SLCO1B3: variants seen among roughly 807,000 people sequenced by gnomAD.
SLCO1B3 encodes the protein solute carrier organic anion transporter family member 1B3.
In SLCO1B3, 72 loss-of-function variants were observed where a neutral mutation model predicts 71.8. The observed-to-expected ratio is 1.00, with a 90% confidence interval of 0.83 to 1.22. SLCO1B3 has a LOEUF of 1.22. Ranked by LOEUF, SLCO1B3 falls within the 50% of genes most tolerant of loss-of-function variation. The pLI is 0.00. For missense variants in SLCO1B3, 911 were observed against 819.7 expected (o/e 1.11, Z -1.36); for synonymous variants, 298 against 278.4 (o/e 1.07, Z -0.70).
Position 20,860,597 on chromosome 12 carries a change from CTTTGTGTGTGTGTGTG to C in SLCO1B3, c.360-418_360-403del, listed in dbSNP as rs1413935171. Among the ~76,000 whole-genome samples, 339 of 80,210 alleles carry C rather than the reference CTTTGTGTGTGTGTGTG, an allele frequency of 4.2e-3. No homozygotes were observed. The Middle Eastern group carries it at 0.058, about 14-fold the overall frequency. 52.6% of individuals were successfully genotyped at this position (80,210 alleles called of 152,430 possible). A position where few individuals can be genotyped will look rare whatever the true frequency, so the allele number is the denominator to read the frequency against. On this transcript the variant is annotated intron_variant, in intron 5 of 15. Coordinates refer to ENST00000381545, the MANE Select transcript of SLCO1B3 (RefSeq NM_019844.4). ...TTATTGAGTTTTGAAAAGTCAAGCA[CTTTGTGTGTGTGTGTG>C]TGTGTGTGTGTGTGTGTGTGTGTAC...
At chr12:20,896,164 A>T (rs1043480567) in intron 13 of SLCO1B3, among the ~76,000 whole-genome samples, 1 of 152,086 alleles carries the variant, frequency 6.6e-6, no homozygotes, top group Admixed American at 6.6e-5. Context: ...GACTTCTCAC[A>T]TGTCCTAAAG....
chr12:20,818,469 C>T (rs1864232020), intron 3 of SLCO1B3, among the ~76,000 whole-genome samples: 1 of 149,192 alleles, frequency 6.7e-6, no homozygotes, highest in Non-Finnish European at 1.5e-5. Context: ...AAAGTGTCTA[C>T]TTAGACAAAG....
chr12:20,835,717 C>T (rs1404901027), intron 3 of SLCO1B3, among the ~76,000 whole-genome samples: 2 of 152,164 alleles, frequency 1.3e-5, no homozygotes, highest in African/African-American at 2.4e-5. Context: ...TTTCCCACAT[C>T]TTCCTGTCTT....
intron 5 of SLCO1B3, among the ~76,000 whole-genome samples, chr12:20,860,563 A>G (rs951462333): frequency 2.0e-5 from 3 of 149,680 alleles, no homozygotes; most frequent in African/African-American, 7.4e-5. Context: ...ATGAATTAGA[A>G]ATTTGTTTTT....
Position 20,916,355 on chromosome 12 carries a change from A to G in SLCO1B3, c.*108A>G, listed in dbSNP as rs1866499246. The G allele has an allele frequency of 2.0e-6, 2 of 1,015,060 alleles. No individual in the cohort carries two copies. Among genetic ancestry groups the G allele is most frequent in the African/African-American group, 1.6e-5 (1 of 61,638 alleles). The allele number at this position is 1,015,060 out of a possible 1,614,324, so 62.9% of individuals were successfully genotyped here. On this transcript the variant is annotated 3_prime_UTR_variant, in exon 16 of 16. Transcript: ENST00000381545. ...GACCAATGGATAAGTCTATGCATCT[A>G]TAATAAACTATAAAAAATGGGAGTA...
At chr12:20,851,867 T>C (rs1865030002) in intron 3 of SLCO1B3, among the ~76,000 whole-genome samples, 1 of 151,602 alleles carries the variant, frequency 6.6e-6, no homozygotes, top group African/African-American at 2.4e-5. Context: ...TTCATTCCTT[T>C]GTATGTGGAT....
At chr12:20,891,721 C>A (rs1865906955) in intron 13 of SLCO1B3, among the ~76,000 whole-genome samples, 1 of 151,968 alleles carries the variant, frequency 6.6e-6, no homozygotes, top group Non-Finnish European at 1.5e-5. Flanking sequence ...TTAGGTTTTT[C>A]AATTTACTTT....
intron 13 of SLCO1B3, among the ~76,000 whole-genome samples, chr12:20,896,957 G>A (rs1866020195): frequency 6.6e-6 from 1 of 152,140 alleles, no homozygotes. Context: ...GGAAAACTCT[G>A]ACTTACAAAG....
chr12:20,893,677 G>C (rs971033016), intron 13 of SLCO1B3, among the ~76,000 whole-genome samples: 2 of 152,142 alleles, frequency 1.3e-5, no homozygotes, highest in Non-Finnish European at 2.9e-5. Flanking sequence ...TAAATATTTT[G>C]CTGGTAACAA....
chr12:20,901,988 A>G, intron 15 of SLCO1B3: 1 of 378,744 alleles, frequency 2.6e-6, no homozygotes, highest in South Asian at 1.9e-5. Context: ...CTCTTATAGA[A>G]GCATTAATTT....
intron 3 of SLCO1B3, among the ~76,000 whole-genome samples, chr12:20,844,240 A>G (rs1255243455): frequency 6.6e-6 from 1 of 152,004 alleles, no homozygotes; most frequent in African/African-American, 2.4e-5. Context: ...AAGATACCTT[A>G]CATATATATA....
chr12:20,862,378 A>G (rs746744641), intron 6 of SLCO1B3, 34 bp from the exon 7 acceptor site: 8 of 1,557,746 alleles, frequency 5.1e-6, no homozygotes, highest in Non-Finnish European at 6.9e-6. Flanking sequence ...GTTAAAATTA[A>G]TGTTTAAAGT....
intron 13 of SLCO1B3, among the ~76,000 whole-genome samples, chr12:20,884,772 G>GA (rs954353165): frequency 2.2e-4 from 31 of 141,468 alleles, no homozygotes; most frequent in East Asian, 4.1e-4. Flanking sequence ...TGACATGGTA[G>GA]AAAAAAAAAA....
chr12:20,871,047 G>A (rs1865465390), intron 8 of SLCO1B3, among the ~76,000 whole-genome samples: 1 of 152,144 alleles, frequency 6.6e-6, no homozygotes, highest in Admixed American at 6.5e-5. Flanking sequence ...ACTTGGTCAT[G>A]ATGAAGGATC....
intron 12 of SLCO1B3, among the ~76,000 whole-genome samples, chr12:20,882,730 A>G (rs139748621): frequency 6.6e-6 from 1 of 152,076 alleles, no homozygotes; most frequent in Non-Finnish European, 1.5e-5. Context: ...CTCCTTCAGT[A>G]AATAGTCTTC....
At chr12:20,910,350 T>A (rs1866348614) in intron 15 of SLCO1B3, among the ~76,000 whole-genome samples, 1 of 152,234 alleles carries the variant, frequency 6.6e-6, no homozygotes, top group Non-Finnish European at 1.5e-5. Context: ...TCTTGGTTGC[T>A]GTAGCTTCAT....
At chr12:20,827,467 C>A (rs887852195) in intron 3 of SLCO1B3, among the ~76,000 whole-genome samples, 4 of 152,096 alleles carry the variant, frequency 2.6e-5, no homozygotes, top group Non-Finnish European at 5.9e-5. Context: ...ACGTACATGA[C>A]ACATAAATAC....
intron 13 of SLCO1B3, 44 bp downstream of exon 13, chr12:20,883,646 AAC>A (rs1865739086): frequency 1.6e-6 from 2 of 1,253,480 alleles, no homozygotes; most frequent in South Asian, 3.0e-5. Flanking sequence ...ATTAGACTAA[AAC>A]ACACCTAATG....
chr12:20,879,579 CCT>C lies in SLCO1B3; in HGVS notation c.1282_1283del (p.Leu428AsnfsTer15), dbSNP rs1373759297. On this transcript the variant is annotated frameshift_variant, in exon 11 of 16. Coordinates refer to ENST00000381545, the MANE Select transcript of SLCO1B3 (RefSeq NM_019844.4). LOFTEE classifies it high-confidence loss of function. ...ISFLFQLLYF[P>X]LICESKSVAG... Reference sequence around the variant, plus strand: ...CTTCTTGTTTCAACTTCTATATTTCCCTCTAATCTGCGAAAGCAAATCAGTTG... The same window carrying C: ...CTTCTTGTTTCAACTTCTATATTTCCCTAATCTGCGAAAGCAAATCAGTTG... The C allele has an allele frequency of 5.0e-6, 8 of 1,612,698 alleles. No individual in the cohort carries two copies.
Sources: allele counts gnomAD v4.1 joint callset (sites outside exome capture counted in the v4.1 genomes callset), GRCh38; gene constraint gnomAD v4.1.1; transcripts MANE v1.5; gene names NCBI Gene and HGNC (gene_info 2026-07-23, HGNC 2026-07-21).